BCL2: variants seen among roughly 807,000 people sequenced by gnomAD.
The protein encoded by BCL2 is BCL2 apoptosis regulator.
In BCL2, 1 loss-of-function variant was observed where a neutral mutation model predicts 14.2. The observed-to-expected ratio is 0.07, with a 90% CI of 0.02 to 0.33. BCL2 has a LOEUF of 0.33. Among genes scored for constraint, BCL2 ranks in the 10% least tolerant of loss-of-function variants. The pLI, the probability that BCL2 is intolerant of heterozygous loss-of-function variation, is 0.99. For synonymous variants in BCL2, 151 were observed against 137.2 expected, an observed-to-expected ratio of 1.10 and a Z score of -0.70; for missense variants, 247 against 305.9, an observed-to-expected ratio of 0.81 and a Z score of 1.44.
intron 2 of BCL2, among the ~76,000 whole-genome samples, chr18:63,218,788 TCCCCATCTACTCATCCCCCTCCACTCATC>T (rs1910297577): frequency 2.3e-5 from 1 of 43,238 alleles, no homozygotes. Context: ...CCTCCACTCA[TCCCCATCTACTCATCCCCCTCCACTCATC>T]CCCATCCACT....
chr18:63,239,664 C>T (rs771026381), intron 2 of BCL2, among the ~76,000 whole-genome samples: 10 of 151,584 alleles, frequency 6.6e-5, no homozygotes, highest in Non-Finnish European at 1.0e-4. Flanking sequence ...TGCTTGAACC[C>T]GAGAGGTGGA....
intron 2 of BCL2, among the ~76,000 whole-genome samples, chr18:63,304,361 A>G (rs367586422): frequency 6.6e-6 from 1 of 152,182 alleles, no homozygotes; most frequent in African/African-American, 2.4e-5. Context: ...GCCCTTTACT[A>G]CTGCGGAAAC....
chr18:63,188,187 A>T (rs1424468830), intron 2 of BCL2, among the ~76,000 whole-genome samples: 2 of 152,222 alleles, frequency 1.3e-5, no homozygotes, highest in South Asian at 4.1e-4. Flanking sequence ...ACCCACAAAG[A>T]CACTGCCTGA....
At chr18:63,194,293 A>G (rs528396914) in intron 2 of BCL2, among the ~76,000 whole-genome samples, 4 of 151,878 alleles carry the variant, frequency 2.6e-5, no homozygotes, top group East Asian at 3.9e-4. Flanking sequence ...TAGCAGAATT[A>G]TTGGATATGT....
At chr18:63,313,280 A>G (rs1419530544) in intron 2 of BCL2, among the ~76,000 whole-genome samples, 2 of 152,140 alleles carry the variant, frequency 1.3e-5, no homozygotes, top group Non-Finnish European at 2.9e-5. Context: ...TGGCAATCAC[A>G]TCTGTGGAAT....
chr18:63,181,457 G>A (rs982710852), intron 2 of BCL2, among the ~76,000 whole-genome samples: 13 of 152,196 alleles, frequency 8.5e-5, no homozygotes, highest in African/African-American at 2.2e-4. Context: ...AGCACTGGCC[G>A]TCAGAATCAC....
At chr18:63,166,313 G>A (rs1915043266) in intron 2 of BCL2, among the ~76,000 whole-genome samples, 1 of 152,224 alleles carries the variant, frequency 6.6e-6, no homozygotes, top group South Asian at 2.1e-4. Flanking sequence ...TGGAAGACGA[G>A]AGGATTTGGA....
chr18:63,210,859 C>A (rs1201549066), intron 2 of BCL2, among the ~76,000 whole-genome samples: 3 of 151,986 alleles, frequency 2.0e-5, no homozygotes, highest in Admixed American at 6.6e-5. Context: ...GCAGTCCTGG[C>A]GACCCACACT....
At chr18:63,199,026 GACAT>G (rs1909595665) in intron 2 of BCL2, among the ~76,000 whole-genome samples, 2 of 136,344 alleles carry the variant, frequency 1.5e-5, no homozygotes, top group African/African-American at 5.6e-5. Flanking sequence ...GACACACACT[GACAT>G]ACAGACACAG....
At chr18:63,174,431 T>C (rs931765565) in intron 2 of BCL2, among the ~76,000 whole-genome samples, 3 of 152,138 alleles carry the variant, frequency 2.0e-5, no homozygotes, top group African/African-American at 4.8e-5. Flanking sequence ...ATGGCTCTCC[T>C]GTCAATTTAC....
intron 2 of BCL2, among the ~76,000 whole-genome samples, chr18:63,169,471 TCTCCCTCCCTCC>T (rs556476803): frequency 7.1e-6 from 1 of 140,058 alleles, no homozygotes; most frequent in East Asian, 2.0e-4. Context: ...TCCCTCCCTG[TCTCCCTCCCTCC>T]CTCCCTCCCT....
chr18:63,207,095 TAC>T (rs1909857971), intron 2 of BCL2, among the ~76,000 whole-genome samples: 2 of 152,022 alleles, frequency 1.3e-5, no homozygotes, highest in African/African-American at 2.4e-5. Context: ...GGACTAGGAA[TAC>T]AGTTTTATGA....
intron 2 of BCL2, among the ~76,000 whole-genome samples, 184 bp from the exon 3 acceptor site, chr18:63,128,943 G>A (rs1403398567): frequency 1.3e-5 from 2 of 152,208 alleles, no homozygotes; most frequent in Admixed American, 1.3e-4. Flanking sequence ...ATTAATTCAA[G>A]GCATATTTAT....
chr18:63,151,997 G>A (rs1322515399), intron 2 of BCL2, among the ~76,000 whole-genome samples: 1 of 152,166 alleles, frequency 6.6e-6, no homozygotes, highest in Admixed American at 6.5e-5. Flanking sequence ...TTAATCTATA[G>A]CAGTTGGCAG....
At chr18:63,264,344 C>T (rs1196041224) in intron 2 of BCL2, among the ~76,000 whole-genome samples, 1 of 152,154 alleles carries the variant, frequency 6.6e-6, no homozygotes, top group African/African-American at 2.4e-5. Flanking sequence ...ATTTTACACA[C>T]CCCCTGTAAA....
intron 2 of BCL2, among the ~76,000 whole-genome samples, chr18:63,247,722 G>A (rs1911191504): frequency 6.6e-6 from 1 of 152,152 alleles, no homozygotes; most frequent in Non-Finnish European, 1.5e-5. Flanking sequence ...GAGGTCAGGA[G>A]TGAGGGATGC....
intron 2 of BCL2, among the ~76,000 whole-genome samples, chr18:63,176,284 G>T (rs974861441): frequency 6.6e-6 from 1 of 152,166 alleles, no homozygotes; most frequent in Non-Finnish European, 1.5e-5. Flanking sequence ...TCATCCTCTG[G>T]CCAGTCCTTT....
At chr18:63,317,877 G>C in intron 2 of BCL2, 8 of 1,416,586 alleles carry the variant, frequency 5.6e-6, no homozygotes, top group Non-Finnish European at 6.4e-6. Context: ...GCAAGTTAAA[G>C]ACTTTTAGAT....
intron 2 of BCL2, among the ~76,000 whole-genome samples, chr18:63,285,652 C>A (rs1056390881): frequency 1.5e-4 from 22 of 151,014 alleles, no homozygotes; most frequent in Non-Finnish European, 2.7e-4. Context: ...GGTTCTTACA[C>A]AAAAACAGAA....
Sources: allele counts gnomAD v4.1 joint callset (sites outside exome capture counted in the v4.1 genomes callset), GRCh38; gene constraint gnomAD v4.1.1; transcripts MANE v1.5; gene names NCBI Gene and HGNC (gene_info 2026-07-23, HGNC 2026-07-21).